PLPPR1: variants seen among roughly 807,000 people sequenced by gnomAD.
PLPPR1 encodes the protein phospholipid phosphatase related 1, also known as phospholipid phosphatase-related protein type 1.
PLPPR1 carries 10 observed loss-of-function variants against 33.1 expected under a neutral mutation model. That is an observed-to-expected ratio of 0.30 (90% CI 0.19 to 0.51). The LOEUF (loss-of-function observed/expected upper bound fraction) is 0.51, where lower values mean the gene tolerates loss of function less well. PLPPR1 is among the 20% of genes least tolerant of loss of function. The pLI is 0.97. For synonymous variants in PLPPR1, 151 were observed against 151.0 expected (o/e 1.00, Z 0.00); for missense variants, 304 against 408.1 (o/e 0.74, Z 2.20).
rs148629840 is a variant in PLPPR1, at chr9:101,148,320, C to T, written c.-45-37130C>T. On this transcript the variant is annotated intron_variant, in intron 1 of 7. Coordinates refer to ENST00000374874, the MANE Select transcript of PLPPR1 (RefSeq NM_207299.2). ...ACTTCAAACCCTGCCCGGTCATTTG[C>T]CTTGCAATGAAACTACATATACAAC... is the stretch of plus-strand genomic sequence containing the variant. 2.1e-3 allele frequency among the ~76,000 whole-genome samples: 323 copies of T among 152,244 alleles called. 1 individual carries two copies. Among genetic ancestry groups the T allele is most frequent in the African/African-American group, 7.5e-3 (312 of 41,552 alleles).
intron 4 of PLPPR1, among the ~76,000 whole-genome samples, chr9:101,296,853 G>A (rs1343959516): frequency 6.6e-6 from 1 of 151,842 alleles, no homozygotes; most frequent in Non-Finnish European, 1.5e-5. Context: ...GCTAAATGAC[G>A]AGTTAATGGG....
At chr9:101,084,474 C>A (rs1830654079) in intron 1 of PLPPR1, among the ~76,000 whole-genome samples, 1 of 152,000 alleles carries the variant, frequency 6.6e-6, no homozygotes, top group African/African-American at 2.4e-5. Flanking sequence ...TTTTCTTTAC[C>A]TTTAATCTAC....
At position 101,094,235 on chromosome 9, in the gene PLPPR1, C is replaced by A. The variant is rs150571891; in HGVS notation, c.-46+65133C>A. ...TAATCTCCTATCAAGACACTTAAGG[C>A]CTTTGCTATCTGGTTCTAACCTTCC... On this transcript the variant is annotated intron_variant, in intron 1 of 7. Coordinates refer to ENST00000374874, the MANE Select transcript of PLPPR1 (RefSeq NM_207299.2). Among the ~76,000 whole-genome samples, 765 of 152,310 alleles carry A rather than the reference C, an allele frequency of 5.0e-3. 4 individuals are homozygous for A. The highest frequency in any genetic ancestry group is 7.4e-3 in the Non-Finnish European group (505 of 68,022).
intron 2 of PLPPR1, among the ~76,000 whole-genome samples, chr9:101,230,372 C>T (rs1250267273): frequency 6.6e-6 from 1 of 152,076 alleles, no homozygotes; most frequent in Non-Finnish European, 1.5e-5. Context: ...GAAAGACACC[C>T]GTAAGGGCAT....
chr9:101,047,919 A>G (rs1453686826), intron 1 of PLPPR1, among the ~76,000 whole-genome samples: 2 of 152,170 alleles, frequency 1.3e-5, no homozygotes, highest in Non-Finnish European at 2.9e-5. Flanking sequence ...AGGTATTGCT[A>G]AGAACTTTAG....
chr9:101,057,187 T>C (rs1250289388), intron 1 of PLPPR1, among the ~76,000 whole-genome samples: 1 of 152,180 alleles, frequency 6.6e-6, no homozygotes, highest in Admixed American at 6.5e-5. Context: ...AATAAATGAA[T>C]GAAATAATAC....
chr9:101,167,743 TTCTA>T (rs1159429692), intron 1 of PLPPR1, among the ~76,000 whole-genome samples: 1 of 152,154 alleles, frequency 6.6e-6, no homozygotes, highest in Non-Finnish European at 1.5e-5. Context: ...AAACAAGAGC[TTCTA>T]TCTACCTCTC....
intron 1 of PLPPR1, among the ~76,000 whole-genome samples, chr9:101,180,124 A>G (rs1168078934): frequency 4.0e-5 from 2 of 50,044 alleles, no homozygotes; most frequent in Admixed American, 1.9e-4. Flanking sequence ...ATATATATAT[A>G]TATATATATA....
intron 1 of PLPPR1, among the ~76,000 whole-genome samples, chr9:101,145,708 TAAAA>T: frequency 1.2e-5 from 1 of 84,256 alleles, no homozygotes; most frequent in Admixed American, 1.2e-4. Flanking sequence ...GTTAAAAAAT[TAAAA>T]AATAAGAATA....
intron 4 of PLPPR1, among the ~76,000 whole-genome samples, chr9:101,296,403 G>T (rs1292516644): frequency 6.6e-6 from 1 of 151,428 alleles, no homozygotes; most frequent in Non-Finnish European, 1.5e-5. Flanking sequence ...ATTCCTCAGG[G>T]ATCTAGTACT....
At chr9:101,066,469 G>C (rs1183448010) in intron 1 of PLPPR1, among the ~76,000 whole-genome samples, 1 of 151,866 alleles carries the variant, frequency 6.6e-6, no homozygotes, top group Non-Finnish European at 1.5e-5. Context: ...GGGTGGGGGT[G>C]GGGGAGTATC....
chr9:101,203,021 G>A (rs970334509), intron 2 of PLPPR1, among the ~76,000 whole-genome samples: 1 of 152,172 alleles, frequency 6.6e-6, no homozygotes, highest in African/African-American at 2.4e-5. Flanking sequence ...GTTGCTGAGA[G>A]CTATAAGAAA....
chr9:101,113,221 T>A (rs192623605), intron 1 of PLPPR1, among the ~76,000 whole-genome samples: 1,838 of 146,456 alleles, frequency 0.013, 18 homozygotes, highest in East Asian at 0.034. Context: ...TTTTTTTTTT[T>A]AACCCTGGAG....
At chr9:101,294,103 A>G (rs1343450338) in intron 4 of PLPPR1, among the ~76,000 whole-genome samples, 1 of 152,234 alleles carries the variant, frequency 6.6e-6, no homozygotes, top group Non-Finnish European at 1.5e-5. Flanking sequence ...GATGCAATAA[A>G]AAATGATAAA....
At chr9:101,071,796 G>A (rs1245207814) in intron 1 of PLPPR1, among the ~76,000 whole-genome samples, 1 of 152,130 alleles carries the variant, frequency 6.6e-6, no homozygotes, top group Admixed American at 6.5e-5. Flanking sequence ...GTCAGGAATA[G>A]TGAATAATTT....
intron 1 of PLPPR1, among the ~76,000 whole-genome samples, chr9:101,098,556 A>C (rs945883925): frequency 1.3e-5 from 2 of 152,108 alleles, no homozygotes; most frequent in Admixed American, 1.3e-4. Flanking sequence ...AAGAGGCTAA[A>C]GATGTGGAGC....
At chr9:101,076,206 C>G (rs1028595825) in intron 1 of PLPPR1, among the ~76,000 whole-genome samples, 1 of 152,050 alleles carries the variant, frequency 6.6e-6, no homozygotes, top group African/African-American at 2.4e-5. Flanking sequence ...TTCTAACCAA[C>G]CTTCCAGGTC....
chr9:101,085,394 A>G (rs956051048), intron 1 of PLPPR1, among the ~76,000 whole-genome samples: 9 of 152,212 alleles, frequency 5.9e-5, no homozygotes, highest in Non-Finnish European at 1.2e-4. Flanking sequence ...TGACTTGACT[A>G]ATTCACAGGG....
At chr9:101,045,447 A>C (rs1830132694) in intron 1 of PLPPR1, among the ~76,000 whole-genome samples, 1 of 152,252 alleles carries the variant, frequency 6.6e-6, no homozygotes, top group Admixed American at 6.5e-5. Context: ...GTGAACCAAA[A>C]GAGCAATGAA....
Sources: gnomAD v4.1 joint callset for allele counts (sites outside exome capture counted in the v4.1 genomes callset) on GRCh38, gnomAD v4.1.1 for gene constraint, MANE v1.5 for transcripts, NCBI Gene and HGNC (gene_info 2026-07-23, HGNC 2026-07-21) for gene names.